The following PCDHGA4 variants were observed in gnomAD, a reference collection of about 807,000 sequenced individuals.
PCDHGA4 encodes the protein protocadherin gamma-A4.
PCDHGA4 carries 38 observed loss-of-function variants against 54.6 expected under a neutral mutation model. That is an observed-to-expected ratio of 0.70 (90% CI 0.54 to 0.91). The LOEUF (loss-of-function observed/expected upper bound fraction) is 0.91. PCDHGA4 is among the 40% of genes least tolerant of loss of function. The pLI, the probability that PCDHGA4 is intolerant of heterozygous loss-of-function variation, is 0.00. For missense variants in PCDHGA4, 1,298 were observed against 1,220.9 expected (o/e 1.06, Z -0.94); for synonymous variants, 511 against 512.9 (o/e 1.00, Z 0.05).
intron 1 of PCDHGA4, chr5:141,413,000 A>G: frequency 1.7e-6 from 1 of 587,734 alleles, no homozygotes; most frequent in Admixed American, 3.6e-5. Context: ...CCGGATTCTC[A>G]GGGCTTCAAC....
At chr5:141,415,063 G>A (rs569362520) in intron 1 of PCDHGA4, 3 of 1,613,432 alleles carry the variant, frequency 1.9e-6, no homozygotes, top group Admixed American at 1.7e-5. Flanking sequence ...CACGGGCGAG[G>A]TGCGCACGGC....
chr5:141,372,607 G>A, intron 1 of PCDHGA4: 1 of 1,614,000 alleles, frequency 6.2e-7, no homozygotes, highest in South Asian at 1.1e-5. Context: ...ACTGTACCTG[G>A]AGTTCTCCCC....
chr5:141,383,721 T>C lies in PCDHGA4; in HGVS notation c.2514+26100T>C, dbSNP rs990608432. The C allele has an allele frequency of 6.2e-6, 10 of 1,613,892 alleles. No individual in the cohort carries two copies. The South Asian group carries it at 6.6e-5, about 11-fold the overall frequency. On this transcript the variant is annotated intron_variant, in intron 1 of 3. Coordinates refer to ENST00000571252, the MANE Select transcript of PCDHGA4 (RefSeq NM_018917.4). ...CTATCGACCTGGACGAGGGAGTCAA[T>C]GGGGAAGTGACATATTCTTTTCGGA...
rs3763123 is a variant in PCDHGA4 at position 141,385,542 on chromosome 5, A to C, written c.2514+27921A>C. On this transcript the variant is annotated intron_variant, in intron 1 of 3. Coordinates refer to ENST00000571252, the MANE Select transcript of PCDHGA4 (RefSeq NM_018917.4). Reference sequence around the variant, plus strand: ...TATGGACAAGATTATGAATATGTGGACTATCACATTTTATAATTTCCACCT... The same window carrying C: ...TATGGACAAGATTATGAATATGTGGCCTATCACATTTTATAATTTCCACCT... 2.0e-3 allele frequency: 2,591 copies of C among 1,327,546 alleles called. 44 individuals carry two copies. The African/African-American group carries it at 0.033, about 17-fold the overall frequency. The allele number at this position is 1,327,546 out of a possible 1,614,324, so 82.2% of individuals were successfully genotyped here. A position where few individuals can be genotyped will look rare whatever the true frequency, so the allele number is the denominator to read the frequency against.
chr5:141,499,599 C>G (rs2099792919), intron 2 of PCDHGA4, among the ~76,000 whole-genome samples: 2 of 152,102 alleles, frequency 1.3e-5, no homozygotes, highest in South Asian at 4.1e-4. Context: ...TCACCTATAT[C>G]CCTACCCTTA....
At position 141,490,162 on chromosome 5, in the gene PCDHGA4, A is replaced by G. The variant is rs1371128858; in HGVS notation, c.2515-4645A>G. The G allele has an allele frequency of 1.2e-6, 2 of 1,614,218 alleles. No individual in the cohort carries two copies. The highest frequency in any genetic ancestry group is 1.7e-6 in the Non-Finnish European group (2 of 1,180,028). ...TGGGGCAATCCATGTGTTGGGTCCCATAGACTTTGAGGAGTCACGTTTCTA... is the reference window on the plus strand; with the variant it reads ...TGGGGCAATCCATGTGTTGGGTCCCGTAGACTTTGAGGAGTCACGTTTCTA... On this transcript the variant is annotated intron_variant, in intron 1 of 3. Transcript: ENST00000571252. This position sits in a 1 kb window ranked among gnomAD's most constrained non-coding sequence, Gnocchi z 5.4.
At chr5:141,413,612 T>C (rs1282180585) in intron 1 of PCDHGA4, 1 of 1,613,696 alleles carries the variant, frequency 6.2e-7, no homozygotes, top group Non-Finnish European at 8.5e-7. Context: ...GACGTAAAAA[T>C]TAATGAAAAT....
intron 1 of PCDHGA4, chr5:141,408,159 C>T (rs1408291996): frequency 3.9e-5 from 59 of 1,516,228 alleles, no homozygotes; most frequent in Non-Finnish European, 5.2e-5. Context: ...AGTGCACTTT[C>T]TCCAACTGGA....
chr5:141,383,193 G>A, intron 1 of PCDHGA4: 2 of 1,614,066 alleles, frequency 1.2e-6, no homozygotes, highest in Non-Finnish European at 1.7e-6. Flanking sequence ...TCTGCGCTCA[G>A]AGTGCGCGGT....
intron 1 of PCDHGA4, among the ~76,000 whole-genome samples, chr5:141,473,267 C>G (rs1458810488): frequency 1.3e-5 from 2 of 152,248 alleles, no homozygotes; most frequent in African/African-American, 2.4e-5. Flanking sequence ...TTAGTGTATG[C>G]TATGATTATT....
At chr5:141,441,703 A>C (rs1329703451) in intron 1 of PCDHGA4, 2 of 312,092 alleles carry the variant, frequency 6.4e-6, no homozygotes, top group Non-Finnish European at 1.3e-5. Context: ...CGAGCCTTCA[A>C]GCTCACGCTG....
intron 1 of PCDHGA4, chr5:141,405,100 G>A (rs764536213): frequency 1.2e-6 from 2 of 1,613,924 alleles, no homozygotes; most frequent in Non-Finnish European, 1.7e-6. Context: ...CCCTCAGGCT[G>A]AGGCACTGGC....
At chr5:141,374,363 G>T (rs1770422956) in intron 1 of PCDHGA4, 2 of 1,613,916 alleles carry the variant, frequency 1.2e-6, no homozygotes, top group African/African-American at 2.7e-5. Flanking sequence ...AGACCGCGAG[G>T]AGCTCTGTGC....
chr5:141,407,505 T>TTTTTTTTTTTTTTTTTTTTTTTTTTTTTG (rs1460306566), intron 1 of PCDHGA4, among the ~76,000 whole-genome samples: 2 of 152,144 alleles, frequency 1.3e-5, no homozygotes, highest in Non-Finnish European at 1.5e-5. Context: ...CTGTTTTTCT[T>TTTTTTTTTTTTTTTTTTTTTTTTTTTTTG]AGGCTATGTA....
At chr5:141,360,116 G>C (rs1286160130) in intron 1 of PCDHGA4, 1 of 1,570,542 alleles carries the variant, frequency 6.4e-7, no homozygotes, top group Non-Finnish European at 8.6e-7. Flanking sequence ...TATGGGCAAA[G>C]GAGCAAAGGG....
chr5:141,489,896 C>T lies in PCDHGA4; in HGVS notation c.2515-4911C>T, dbSNP rs765318875. 3 of 1,614,180 alleles carry T rather than the reference C, an allele frequency of 1.9e-6. No homozygotes were observed. The highest frequency in any genetic ancestry group is 1.3e-5 in the African/African-American group (1 of 75,066). On this transcript the variant is annotated intron_variant, in intron 1 of 3. Coordinates refer to ENST00000571252, the MANE Select transcript of PCDHGA4 (RefSeq NM_018917.4). The surrounding 1 kb of genome is among the most constrained non-coding windows in gnomAD (Gnocchi z 4.5). ...GTGCTTACTGCTGTGGATGGGGGGA[C>T]CCCAGCCCGCTCAGGGACCACCCTT...
Position 141,398,972 on chromosome 5 carries a change from A to G in PCDHGA4, c.2514+41351A>G, listed in dbSNP as rs191593174. 31 of 1,613,974 alleles carry G rather than the reference A, an allele frequency of 1.9e-5. No homozygotes were observed. In the South Asian group the frequency reaches 2.5e-4, roughly 13 times the overall value. The stretch of plus-strand genomic sequence containing the variant: ...AACTCAGAAATTACTTATTCCTTCT[A>G]CAGAACCGGGCAAATCTTTAGTCTG... On this transcript the variant is annotated intron_variant, in intron 1 of 3. Transcript: ENST00000571252.
intron 1 of PCDHGA4, chr5:141,413,229 C>T (rs200934469): frequency 6.2e-7 from 1 of 1,613,914 alleles, no homozygotes; most frequent in African/African-American, 1.3e-5. Context: ...GCGGGCTGGT[C>T]CTGCTCTGCC....
chr5:141,504,755 T>A (rs953075905), intron 2 of PCDHGA4, among the ~76,000 whole-genome samples: 13 of 151,824 alleles, frequency 8.6e-5, no homozygotes, highest in Non-Finnish European at 1.5e-5. Flanking sequence ...ATTTTAGAAA[T>A]TTCTTCTCCC....
Sources: gnomAD v4.1 joint callset for allele counts (sites outside exome capture counted in the v4.1 genomes callset) on GRCh38, gnomAD v4.1.1 for gene constraint, Gnocchi (gnomAD v3.1) non-coding constraint, MANE v1.5 for transcripts, NCBI Gene and HGNC (gene_info 2026-07-23, HGNC 2026-07-21) for gene names.